Variants in MACF1 observed in about 807,000 individuals in gnomAD.
MACF1 encodes the protein microtubule-actin cross-linking factor 1.
In MACF1, 193 loss-of-function variants were observed where a neutral mutation model predicts 854.8. The ratio of observed to expected loss-of-function variants is 0.23; its 90% CI spans 0.20 to 0.25. MACF1 has a LOEUF of 0.25. Ranked by LOEUF, MACF1 falls within the 10% of genes least tolerant of loss-of-function variation. The pLI, the probability that MACF1 is intolerant of heterozygous loss-of-function variation, is 1.00. For synonymous variants in MACF1, 3,185 were observed against 3,226.7 expected (o/e 0.99, Z 0.44); for missense variants, 7,722 against 8,929.1 (o/e 0.86, Z 5.45).
At chr1:39,439,967 T>G (rs946285987) in intron 72 of MACF1, among the ~76,000 whole-genome samples, 2 of 152,124 alleles carry the variant, frequency 1.3e-5, no homozygotes, top group Non-Finnish European at 2.9e-5. Flanking sequence ...TATATTACAT[T>G]TCTTAAATGT....
intron 21 of MACF1, among the ~76,000 whole-genome samples, chr1:39,298,322 A>T (rs1302172190): frequency 2.0e-5 from 3 of 152,220 alleles, no homozygotes; most frequent in Admixed American, 6.5e-5. Flanking sequence ...TTTTACATTT[A>T]GTATTTAGTT....
intron 15 of MACF1, 113 bp from the exon 16 acceptor site, chr1:39,291,797 T>C: frequency 2.0e-6 from 2 of 1,021,368 alleles, no homozygotes; most frequent in Non-Finnish European, 2.7e-6. Flanking sequence ...ATGGCCTGGA[T>C]GTCCTTTTGC....
chr1:39,319,112 C>T (rs1340474438), intron 30 of MACF1, among the ~76,000 whole-genome samples: 2 of 151,814 alleles, frequency 1.3e-5, no homozygotes, highest in Non-Finnish European at 2.9e-5. Context: ...CTACTATAAG[C>T]CTTTGAAGAA....
chr1:39,440,944 G>GT, intron 72 of MACF1, 59 bp from the exon 73 acceptor site: 1 of 1,598,890 alleles, frequency 6.3e-7, no homozygotes, highest in Admixed American at 1.7e-5. Flanking sequence ...CATTTGCAAA[G>GT]TTTGGTAAGT....
In MACF1 at chr1:39,250,046, T is replaced by G. The variant is rs757940535; in HGVS notation, c.204T>G (p.Asp68Glu). The change falls in exon 3 of 101, where the codon GAT (aspartate) becomes GAG (glutamate). Residue 68 changes from aspartate to glutamate, a missense_variant. Coordinates refer to ENST00000564288, the MANE Select transcript of MACF1 (RefSeq NM_001394062.1). Reference sequence around the variant, plus strand: ...AGCACATCAATGATCTTTATGAAGATCTGCGGGATGGCCATAACCTGATCT... The same window carrying G: ...AGCACATCAATGATCTTTATGAAGAGCTGCGGGATGGCCATAACCTGATCT... ...VRKHINDLYE[D>E]LRDGHNLISL... The G allele has an allele frequency of 6.2e-7, 1 of 1,613,854 alleles. No individual in the cohort carries two copies. Among genetic ancestry groups the G allele is most frequent in the South Asian group, 1.1e-5 (1 of 91,054 alleles).
At chr1:39,180,546 G>A (rs1644090851) in intron 2 of MACF1, among the ~76,000 whole-genome samples, 1 of 152,138 alleles carries the variant, frequency 6.6e-6, no homozygotes, top group Admixed American at 6.6e-5. Flanking sequence ...AATCTGGGAG[G>A]CAGAGGTTTC....
intron 2 of MACF1, among the ~76,000 whole-genome samples, chr1:39,248,763 T>C (rs1645009649): frequency 3.3e-5 from 5 of 152,202 alleles, no homozygotes; most frequent in South Asian, 2.1e-4. Context: ...AGTCTTGTTC[T>C]GTCGCCTATG....
chr1:39,240,248 GTTTAA>G (rs1458481371), intron 2 of MACF1, among the ~76,000 whole-genome samples: 8 of 152,204 alleles, frequency 5.3e-5, no homozygotes, highest in Non-Finnish European at 1.0e-4. Flanking sequence ...GGGCAGTGGA[GTTTAA>G]TTTAAGAAAT....
intron 6 of MACF1, among the ~76,000 whole-genome samples, chr1:39,263,704 G>A (rs1645191720): frequency 6.7e-6 from 1 of 148,844 alleles, no homozygotes; most frequent in Non-Finnish European, 1.5e-5. Context: ...ACTGTTGCTT[G>A]TATGTCTTTA....
intron 49 of MACF1, among the ~76,000 whole-genome samples, chr1:39,362,889 T>C (rs1648328690): frequency 6.6e-6 from 1 of 152,230 alleles, no homozygotes; most frequent in African/African-American, 2.4e-5. Context: ...CGCAACACCA[T>C]AGGAATCTTC....
At chr1:39,225,433 G>A (rs1023640281) in intron 1 of MACF1, among the ~76,000 whole-genome samples, 3 of 151,294 alleles carry the variant, frequency 2.0e-5, no homozygotes, top group Admixed American at 1.3e-4. Flanking sequence ...AGCCAGGATG[G>A]TCTCGATCTC....
intron 2 of MACF1, among the ~76,000 whole-genome samples, chr1:39,127,935 T>G (rs1386361948): frequency 1.3e-5 from 2 of 152,228 alleles, no homozygotes; most frequent in African/African-American, 4.8e-5. Context: ...ATTACAAAAT[T>G]AAACATGTTC....
At chr1:39,304,407 T>C (rs936231599) in intron 23 of MACF1, 16 of 1,155,886 alleles carry the variant, frequency 1.4e-5, no homozygotes, top group South Asian at 3.7e-5. Context: ...TCTCCAACTT[T>C]CCTGCTAACT....
chr1:39,342,889 A>G (rs1488304853), intron 40 of MACF1, among the ~76,000 whole-genome samples: 1 of 152,186 alleles, frequency 6.6e-6, no homozygotes, highest in Non-Finnish European at 1.5e-5. Context: ...CAAAAGACCT[A>G]TTTCTGTTGC....
At chr1:39,297,583 T>C in intron 20 of MACF1, 37 bp from the exon 21 acceptor site, 1 of 1,613,246 alleles carries the variant, frequency 6.2e-7, no homozygotes, top group South Asian at 1.1e-5. Flanking sequence ...GTTCTAATGT[T>C]TTGAGCAGAA....
intron 2 of MACF1, among the ~76,000 whole-genome samples, chr1:39,090,814 G>C (rs929459083): frequency 6.6e-6 from 1 of 152,160 alleles, no homozygotes; most frequent in African/African-American, 2.4e-5. Flanking sequence ...GGCTGCACTT[G>C]TTCTTTATTT....
intron 2 of MACF1, among the ~76,000 whole-genome samples, chr1:39,086,841 T>C (rs1048887426): frequency 1.9e-4 from 29 of 152,206 alleles, no homozygotes; most frequent in African/African-American, 5.3e-4. Context: ...GCATAGATGC[T>C]GATCTCCTTT....
intron 2 of MACF1, among the ~76,000 whole-genome samples, chr1:39,102,003 C>A (rs958816928): frequency 4.7e-5 from 7 of 147,472 alleles, no homozygotes; most frequent in African/African-American, 1.8e-4. Context: ...AGTGAAACCC[C>A]GTCTCTACTA....
chr1:39,289,714 TTTTTTTTTTTTG>T (rs1415481154), intron 15 of MACF1, among the ~76,000 whole-genome samples: 1 of 127,366 alleles, frequency 7.9e-6, no homozygotes, highest in Non-Finnish European at 1.6e-5. Context: ...TTTTTTTTTT[TTTTTTTTTTTTG>T]AGACAGAGTC....
Sources: allele counts gnomAD v4.1 joint callset (sites outside exome capture counted in the v4.1 genomes callset), GRCh38; gene constraint gnomAD v4.1.1; transcripts MANE v1.5; gene names NCBI Gene and HGNC (gene_info 2026-07-23, HGNC 2026-07-21).